DMD: variants seen among roughly 807,000 people sequenced by gnomAD.
DMD encodes mutant dystrophin.
A neutral mutation model predicts 330.1 loss-of-function variants in DMD; 63 were observed. The observed-to-expected ratio is 0.19, with a 90% CI of 0.16 to 0.24. The LOEUF (loss-of-function observed/expected upper bound fraction) is 0.24, where lower values mean the gene tolerates loss of function less well. DMD is among the 10% of genes least tolerant of loss of function. The pLI is 1.00. For missense variants in DMD, 3,344 were observed against 2,684.1 expected (o/e 1.25, Z -5.43); for synonymous variants, 1,223 against 959.8 (o/e 1.27, Z -5.07).
At chrX:33,282,684 A>G (rs1226153001) in intron 1 of DMD, among the ~76,000 whole-genome samples, 1 of 111,824 alleles carries the variant, frequency 8.9e-6, no homozygotes, top group Non-Finnish European at 1.9e-5. Context: ...AGAGGCACTT[A>G]CCCTAGCTGC....
intron 60 of DMD, among the ~76,000 whole-genome samples, chrX:31,406,361 C>A (rs1476053760): frequency 1.8e-5 from 2 of 110,668 alleles, no homozygotes; most frequent in Admixed American, 1.9e-4. Flanking sequence ...ATGTAACAAA[C>A]CTTCACATGT....
At chrX:31,955,132 T>C (rs990507278) in intron 45 of DMD, among the ~76,000 whole-genome samples, 3 of 111,050 alleles carry the variant, frequency 2.7e-5, no homozygotes, top group Non-Finnish European at 5.7e-5. Flanking sequence ...ACTGTGATCA[T>C]GCCACTGCAT....
At position 31,833,348 on chromosome X, in the gene DMD, G is replaced by A. The variant is rs1161624745; in HGVS notation, c.7200+3370C>T. Among the ~76,000 whole-genome samples the A allele has an allele frequency of 4.7e-4, 37 of 78,414 alleles. 1 individual carries two copies. The highest frequency in any genetic ancestry group is 1.7e-3 in the African/African-American group (34 of 19,611). The allele number at this position is 78,414 out of a possible 115,157, so 68.1% of individuals were successfully genotyped here. On this transcript the variant is annotated intron_variant, in intron 49 of 78. Coordinates refer to ENST00000357033, the MANE Select transcript of DMD (RefSeq NM_004006.3). ...AGGGAGAGAGGGAGAGAGTGGAGAG[G>A]GAGGGAGGGAAAGAGAGAGAGAGAG...
intron 34 of DMD, among the ~76,000 whole-genome samples, chrX:32,371,035 G>T (rs2097874775): frequency 9.0e-6 from 1 of 110,649 alleles, no homozygotes; most frequent in Non-Finnish European, 1.9e-5. Flanking sequence ...CAAACATTGG[G>T]ATACTTTTCA....
chrX:32,408,477 T>G, intron 30 of DMD, among the ~76,000 whole-genome samples: 1 of 111,883 alleles, frequency 8.9e-6, no homozygotes, highest in Admixed American at 9.5e-5. Context: ...TGCATTTCCT[T>G]AGTGCCATAG....
At chrX:31,819,913 T>C in intron 50 of DMD, 62 bp downstream of exon 50, 10 of 949,545 alleles carry the variant, frequency 1.1e-5, no homozygotes, top group Non-Finnish European at 1.5e-5. Context: ...CAGTCATCAC[T>C]TCATAGTTGC....
intron 2 of DMD, among the ~76,000 whole-genome samples, chrX:32,982,431 C>A (rs915902332): frequency 4.5e-5 from 5 of 111,580 alleles, no homozygotes; most frequent in Non-Finnish European, 9.4e-5. Context: ...AGCAAAAAAA[C>A]TACCAAGAAT....
intron 62 of DMD, among the ~76,000 whole-genome samples, chrX:31,312,866 C>T (rs1277531845): frequency 9.0e-6 from 1 of 111,256 alleles, no homozygotes; most frequent in Non-Finnish European, 1.9e-5. Flanking sequence ...GAAAACCAAA[C>T]GCTGCATGTT....
At chrX:33,129,325 C>CTTTTTTGTTTTTTTTTT (rs2095483951) in intron 1 of DMD, among the ~76,000 whole-genome samples, 1 of 30,715 alleles carries the variant, frequency 3.3e-5, no homozygotes, top group African/African-American at 1.4e-4. Context: ...TTAAGGTTTG[C>CTTTTTTGTTTTTTTTTT]TTTTTTTTTT....
At chrX:31,251,244 C>T (rs2049331864) in intron 63 of DMD, among the ~76,000 whole-genome samples, 1 of 109,825 alleles carries the variant, frequency 9.1e-6, no homozygotes, top group African/African-American at 3.3e-5. Flanking sequence ...GATCCTTCTG[C>T]CTCAGCCTCT....
At chrX:33,040,093 T>C (rs1425148282) in intron 1 of DMD, among the ~76,000 whole-genome samples, 1 of 111,338 alleles carries the variant, frequency 9.0e-6, no homozygotes, top group East Asian at 2.8e-4. Context: ...CATTTCAGCA[T>C]CCTTGGAAAT....
In DMD at chrX:31,394,551, T is replaced by C. The variant is rs924217283; in HGVS notation, c.9085-45917A>G. Among the ~76,000 whole-genome samples, 7 of 111,825 alleles carry C rather than the reference T, an allele frequency of 6.3e-5. No homozygotes were observed. In the East Asian group the frequency reaches 2.0e-3, roughly 31 times the overall value. On this transcript the variant is annotated intron_variant, in intron 60 of 78. Transcript: ENST00000357033. ...GCTCGTGCCTGTAATCCCAGCACTT[T>C]GGGAGGTCGAGGTGGGTGGATCACC...
chrX:31,138,624 G>GGAGAGA (rs1175532244), intron 76 of DMD, among the ~76,000 whole-genome samples: 12 of 58,750 alleles, frequency 2.0e-4, no homozygotes, highest in South Asian at 1.2e-3. Flanking sequence ...CATGGCAGCA[G>GGAGAGA]GAGAGAGAGA....
At chrX:31,978,670 T>A (rs2095454694) in intron 44 of DMD, among the ~76,000 whole-genome samples, 1 of 111,850 alleles carries the variant, frequency 8.9e-6, no homozygotes, top group Non-Finnish European at 1.9e-5. Flanking sequence ...CATGCTTCAG[T>A]GCAATTAGAC....
At chrX:32,578,405 G>C (rs1282452083) in intron 13 of DMD, among the ~76,000 whole-genome samples, 3 of 111,904 alleles carry the variant, frequency 2.7e-5, no homozygotes, top group African/African-American at 3.2e-5. Flanking sequence ...AGTAAGTGAA[G>C]CTAAAGGTCA....
intron 7 of DMD, among the ~76,000 whole-genome samples, chrX:32,796,491 A>C (rs951026780): frequency 9.0e-6 from 1 of 111,636 alleles, no homozygotes; most frequent in Admixed American, 9.6e-5. Flanking sequence ...GGGGTTATTT[A>C]ATGGGTACAA....
intron 7 of DMD, among the ~76,000 whole-genome samples, chrX:32,771,503 TACAC>T (rs754545800): frequency 9.5e-6 from 1 of 105,794 alleles, no homozygotes; most frequent in African/African-American, 3.5e-5. Context: ...ATTTTGTTAA[TACAC>T]ACACACACAC....
intron 59 of DMD, among the ~76,000 whole-genome samples, chrX:31,470,764 G>A (rs769456595): frequency 4.1e-4 from 46 of 112,029 alleles, no homozygotes; most frequent in Admixed American, 1.2e-3. Flanking sequence ...CCCCTTCCCC[G>A]TGGTGCTCTG....
intron 44 of DMD, among the ~76,000 whole-genome samples, chrX:32,184,521 T>C (rs2096938603): frequency 9.0e-6 from 1 of 111,423 alleles, no homozygotes; most frequent in African/African-American, 3.3e-5. Context: ...TAATCATTTG[T>C]GCTCCTGCTA....
Sources: gnomAD v4.1 joint callset for allele counts (sites outside exome capture counted in the v4.1 genomes callset) on GRCh38, gnomAD v4.1.1 for gene constraint, MANE v1.5 for transcripts, NCBI Gene and HGNC (gene_info 2026-07-23, HGNC 2026-07-21) for gene names.